PPARGC1A: variants seen among roughly 807,000 people sequenced by gnomAD.
PPARGC1A encodes peroxisome proliferator-activated receptor gamma coactivator 1-alpha.
A neutral mutation model predicts 88.7 loss-of-function variants in PPARGC1A; 25 were observed. That is an observed-to-expected ratio of 0.28 (90% CI 0.21 to 0.39). The LOEUF (loss-of-function observed/expected upper bound fraction) is 0.39, where lower values mean the gene tolerates loss of function less well. PPARGC1A is among the 10% of genes least tolerant of loss of function. The pLI is 1.00. For synonymous variants in PPARGC1A, 363 were observed against 355.6 expected (o/e 1.02, Z -0.24); for missense variants, 880 against 968.7 (o/e 0.91, Z 1.22).
At chr4:23,856,301 G>A (rs1432407987) in intron 2 of PPARGC1A, among the ~76,000 whole-genome samples, 1 of 152,214 alleles carries the variant, frequency 6.6e-6, no homozygotes, top group Non-Finnish European at 1.5e-5. Context: ...TTTTTGAGGT[G>A]TAGGCCACTT....
At chr4:24,117,810 T>G in the PPARGC1A span, among the ~76,000 whole-genome samples, 1 of 152,108 alleles carries the variant, frequency 6.6e-6, no homozygotes, top group Non-Finnish European at 1.5e-5. Flanking sequence ...GTTGGTTGGA[T>G]GATACTCATG....
At chr4:24,471,311 C>A in the PPARGC1A span, among the ~76,000 whole-genome samples, 1 of 151,754 alleles carries the variant, frequency 6.6e-6, no homozygotes, top group South Asian at 2.1e-4. The surrounding 1 kb of genome is among the most constrained non-coding windows in gnomAD (Gnocchi z 5.4). Flanking sequence ...CACGCGAGCG[C>A]GCGCGCACAC....
the PPARGC1A span, among the ~76,000 whole-genome samples, chr4:24,432,793 G>A: frequency 3.3e-5 from 5 of 152,116 alleles, no homozygotes; most frequent in African/African-American, 1.2e-4. Context: ...TCAGATAATT[G>A]ATTTGAATAA....
intron 7 of PPARGC1A, among the ~76,000 whole-genome samples, chr4:23,818,306 C>T (rs1178105383): frequency 6.6e-6 from 1 of 152,148 alleles, no homozygotes; most frequent in Admixed American, 6.5e-5. Flanking sequence ...GAGGCAGTTC[C>T]GAGCATTGTT....
At chr4:24,370,883 T>G in the PPARGC1A span, among the ~76,000 whole-genome samples, 1 of 151,372 alleles carries the variant, frequency 6.6e-6, no homozygotes, top group Non-Finnish European at 1.5e-5. Flanking sequence ...CATCTAGGTT[T>G]TAAGCCCCGT....
chr4:24,070,304 A>G, the PPARGC1A span, among the ~76,000 whole-genome samples: 4 of 152,198 alleles, frequency 2.6e-5, no homozygotes, highest in South Asian at 8.3e-4. Flanking sequence ...CCTGCATGAC[A>G]CACTATATCA....
the PPARGC1A span, among the ~76,000 whole-genome samples, chr4:24,464,635 G>A: frequency 6.6e-6 from 1 of 152,176 alleles, no homozygotes; most frequent in Non-Finnish European, 1.5e-5. Context: ...GAAGCCAGAC[G>A]TTCACTGGGC....
At chr4:24,371,707 G>A in the PPARGC1A span, among the ~76,000 whole-genome samples, 5 of 151,622 alleles carry the variant, frequency 3.3e-5, no homozygotes, top group Admixed American at 3.3e-4. Flanking sequence ...TTGAGAGGCC[G>A]AGGCGGGAGG....
At chr4:24,144,933 GTT>G in the PPARGC1A span, among the ~76,000 whole-genome samples, 3,971 of 145,270 alleles carry the variant, frequency 0.027, 171 homozygotes, top group African/African-American at 0.093. Flanking sequence ...AACATTTCAG[GTT>G]TTTTTTTTTT....
the PPARGC1A span, among the ~76,000 whole-genome samples, chr4:24,390,825 T>C: frequency 3.7e-3 from 564 of 152,174 alleles, 6 homozygotes; most frequent in African/African-American, 0.013. Flanking sequence ...ATCTCTCTGA[T>C]ACAATATGGA....
the PPARGC1A span, among the ~76,000 whole-genome samples, chr4:24,201,882 AT>A: frequency 6.6e-6 from 1 of 151,746 alleles, no homozygotes; most frequent in Non-Finnish European, 1.5e-5. Flanking sequence ...CAGGTGCAAA[AT>A]ATTCTTCAGT....
At chr4:23,962,523 A>C in the PPARGC1A span, among the ~76,000 whole-genome samples, 2 of 152,174 alleles carry the variant, frequency 1.3e-5, no homozygotes, top group African/African-American at 4.8e-5. Flanking sequence ...GACAGTCAAA[A>C]GCAGTCAATG....
chr4:23,960,172 A>T, the PPARGC1A span, among the ~76,000 whole-genome samples: 3 of 152,140 alleles, frequency 2.0e-5, no homozygotes, highest in Non-Finnish European at 2.9e-5. Context: ...GGAAGGTCTA[A>T]ATATTTATTC....
chr4:24,356,523 G>A, the PPARGC1A span, among the ~76,000 whole-genome samples: 2 of 152,172 alleles, frequency 1.3e-5, no homozygotes, highest in Non-Finnish European at 2.9e-5. Flanking sequence ...ACTTCAATGT[G>A]TCGGCCACAC....
the PPARGC1A span, among the ~76,000 whole-genome samples, chr4:24,166,458 A>G: frequency 6.6e-6 from 1 of 152,270 alleles, no homozygotes; most frequent in Non-Finnish European, 1.5e-5. Context: ...AGAAGATGCC[A>G]TCTAGGACTT....
At chr4:24,359,086 T>C in the PPARGC1A span, among the ~76,000 whole-genome samples, 15 of 152,340 alleles carry the variant, frequency 9.8e-5, no homozygotes, top group Middle Eastern at 3.4e-3. Flanking sequence ...TAAAGAAAGT[T>C]CACCGTCTTT....
chr4:24,146,242 T>C, the PPARGC1A span, among the ~76,000 whole-genome samples: 20 of 152,176 alleles, frequency 1.3e-4, no homozygotes, highest in African/African-American at 4.8e-4. Flanking sequence ...GCTGTTGAAT[T>C]GGAGAGCTGT....
At chr4:24,348,907 G>A in the PPARGC1A span, among the ~76,000 whole-genome samples, 1 of 152,158 alleles carries the variant, frequency 6.6e-6, no homozygotes, top group Non-Finnish European at 1.5e-5. Context: ...TTGGTTTTCT[G>A]GTTCCTTGTC....
the PPARGC1A span, among the ~76,000 whole-genome samples, chr4:24,465,640 A>C: frequency 6.6e-6 from 1 of 152,202 alleles, no homozygotes; most frequent in African/African-American, 2.4e-5. Context: ...AGGAACGTGA[A>C]AGCAGTGAGA....
Sources: allele counts gnomAD v4.1 joint callset (sites outside exome capture counted in the v4.1 genomes callset), GRCh38; gene constraint gnomAD v4.1.1; non-coding constraint Gnocchi (gnomAD v3.1); transcripts MANE v1.5; gene names NCBI Gene and HGNC (gene_info 2026-07-23, HGNC 2026-07-21).